Variants in CAP1 observed in about 807,000 individuals in gnomAD.
CAP1 encodes the protein adenylyl cyclase-associated protein 1.
CAP1 carries 11 observed loss-of-function variants against 58.2 expected under a neutral mutation model. That is an observed-to-expected ratio of 0.19 (90% CI 0.12 to 0.31). The LOEUF (loss-of-function observed/expected upper bound fraction) is 0.31, where lower values mean the gene tolerates loss of function less well. Among genes scored for constraint, CAP1 ranks in the 10% least tolerant of loss-of-function variants. The pLI is 1.00. For synonymous variants in CAP1, 183 were observed against 213.8 expected, an observed-to-expected ratio of 0.86 and a Z score of 1.26; for missense variants, 423 against 587.5, an observed-to-expected ratio of 0.72 and a Z score of 2.89.
At chr1:40,042,729 C>G (rs545277705) in intron 1 of CAP1, among the ~76,000 whole-genome samples, 88 of 152,218 alleles carry the variant, frequency 5.8e-4, no homozygotes, top group African/African-American at 2.1e-3. Context: ...AGGGGACCAG[C>G]CCTGTGGGGA....
At chr1:40,069,109 CAGG>C (rs1216527182) in intron 8 of CAP1, among the ~76,000 whole-genome samples, 2 of 152,226 alleles carry the variant, frequency 1.3e-5, no homozygotes, top group African/African-American at 4.8e-5. Flanking sequence ...TGTGGGATTA[CAGG>C]CATGAGCCAC....
At chr1:40,065,677 A>C (rs1647037327) in intron 6 of CAP1, among the ~76,000 whole-genome samples, 1 of 152,224 alleles carries the variant, frequency 6.6e-6, no homozygotes, top group Non-Finnish European at 1.5e-5. Flanking sequence ...CTATTTCTAT[A>C]ATTTAAGGCT....
chr1:40,045,623 T>G (rs1055172337), intron 1 of CAP1, among the ~76,000 whole-genome samples: 2 of 152,146 alleles, frequency 1.3e-5, no homozygotes, highest in African/African-American at 4.8e-5. Flanking sequence ...TGGCGTGATC[T>G]TGGCTCACTG....
chr1:40,051,123 C>G (rs1483335462), intron 1 of CAP1, among the ~76,000 whole-genome samples: 1 of 152,174 alleles, frequency 6.6e-6, no homozygotes, highest in Non-Finnish European at 1.5e-5. Flanking sequence ...TTGATTTCCT[C>G]TGAACTCTCA....
intron 7 of CAP1, among the ~76,000 whole-genome samples, 161 bp downstream of exon 7, chr1:40,066,481 G>C (rs989671849): frequency 6.6e-6 from 1 of 152,202 alleles, no homozygotes; most frequent in Admixed American, 6.5e-5. Flanking sequence ...AGGGTAAAAA[G>C]AGTAGAGGAA....
In CAP1 at chr1:40,069,783, C is replaced by T; in HGVS notation, c.902C>T (p.Ser301Phe). The T allele has an allele frequency of 3.7e-6, 6 of 1,613,054 alleles. No homozygotes were observed. The highest frequency in any genetic ancestry group is 5.1e-6 in the Non-Finnish European group (6 of 1,179,598). The change falls in exon 9 of 13, where the codon TCT becomes TTT. Residue 301 changes from serine to phenylalanine, a missense_variant. Transcript: ENST00000372805. ...GPVRSGPKPF[S>F]APKPQTSPSP... ...GTACGCAGTGGCCCCAAACCATTCT[C>T]TGCACCTAAACCCCAAACCAGCCCA...
intron 4 of CAP1, 44 bp from the exon 5 acceptor site, chr1:40,064,183 G>A (rs201172019): frequency 1.0e-5 from 16 of 1,601,832 alleles, no homozygotes; most frequent in Non-Finnish European, 1.2e-5. Context: ...AGACACCTTT[G>A]TGGAAAGATG....
chr1:40,068,122 T>C (rs1647186902), intron 8 of CAP1, among the ~76,000 whole-genome samples: 1 of 152,140 alleles, frequency 6.6e-6, no homozygotes, highest in Admixed American at 6.5e-5. Context: ...TGGTATAAAG[T>C]AGATACCCTT....
At chr1:40,060,024 C>T (rs1275429081) in intron 2 of CAP1, 43 bp from the exon 3 acceptor site, 1 of 1,523,714 alleles carries the variant, frequency 6.6e-7, no homozygotes, top group Non-Finnish European at 9.1e-7. Context: ...AAGAAGCCTC[C>T]TTCTGATGCA....
intron 7 of CAP1, among the ~76,000 whole-genome samples, chr1:40,066,528 C>A (rs533371081): frequency 1.2e-3 from 190 of 152,290 alleles, no homozygotes; most frequent in African/African-American, 4.4e-3. Context: ...CAGTGGTATT[C>A]AATTTCAATA....
At chr1:40,071,073 T>G in intron 12 of CAP1, 94 bp downstream of exon 12, 6 of 1,232,718 alleles carry the variant, frequency 4.9e-6, no homozygotes, top group Non-Finnish European at 6.8e-6. Flanking sequence ...CATTCTGCAC[T>G]GAGCAGGTAA....
intron 1 of CAP1, among the ~76,000 whole-genome samples, chr1:40,046,494 CAA>C: frequency 6.6e-6 from 1 of 151,836 alleles, no homozygotes; most frequent in East Asian, 1.9e-4. Flanking sequence ...AAAAAACAAA[CAA>C]ACACTAAAGT....
rs148511353 is a variant in CAP1, at chr1:40,064,076, G to C, written c.295-151G>C. 138 of 690,710 alleles carry C rather than the reference G, an allele frequency of 2.0e-4. 1 individual carries two copies. The East Asian group carries it at 3.4e-3, about 17-fold the overall frequency. The allele number at this position is 690,710 out of a possible 1,614,324, so 42.8% of individuals were successfully genotyped here. ...TACGAGGAGAGTGAGATGATGAGCA[G>C]TATTTTAGCCTTAGGAATCAGGACA... On this transcript the variant is annotated intron_variant, in intron 4 of 12. Transcript: ENST00000372805.
chr1:40,050,614 A>G (rs1646319170), intron 1 of CAP1, among the ~76,000 whole-genome samples: 1 of 151,920 alleles, frequency 6.6e-6, no homozygotes, highest in Admixed American at 6.6e-5. Context: ...AGCTGAGATC[A>G]TGCCATCACA....
chr1:40,059,460 TA>T lies in CAP1; in HGVS notation c.112+4del. 1 of 1,558,672 alleles carries T rather than the reference TA, an allele frequency of 6.4e-7. No individual in the cohort carries two copies. Among genetic ancestry groups the T allele is most frequent in the Non-Finnish European group, 8.9e-7 (1 of 1,129,572 alleles). ...GGTATGCAGACAGTCCTTCAAAAGGTAAGCAGTCCACAGCCCAGCAGAATGC... is the reference window on the plus strand; with the variant it reads ...GGTATGCAGACAGTCCTTCAAAAGGTAGCAGTCCACAGCCCAGCAGAATGC... On this transcript the variant is annotated splice_donor_region_variant and intron_variant, in intron 2 of 12. Coordinates refer to ENST00000372805, the MANE Select transcript of CAP1 (RefSeq NM_006367.4).
Position 40,070,144 on chromosome 1 carries a change from A to T in CAP1, c.994-15A>T. Reference sequence around the variant, plus strand: ...TGTGCTTTGTGATGAGAATCCTGGGATCTCTCTCTAACAGGAAAATCAGGA... The same window carrying T: ...TGTGCTTTGTGATGAGAATCCTGGGTTCTCTCTCTAACAGGAAAATCAGGA... On this transcript the variant is annotated splice_polypyrimidine_tract_variant and intron_variant, in intron 9 of 12. Coordinates refer to ENST00000372805, the MANE Select transcript of CAP1 (RefSeq NM_006367.4). 6.2e-7 allele frequency: 1 copy of T among 1,613,758 alleles called. No homozygotes were observed. The highest frequency in any genetic ancestry group is 1.1e-5 in the South Asian group (1 of 91,062).
intron 1 of CAP1, among the ~76,000 whole-genome samples, chr1:40,043,272 A>T: frequency 6.6e-6 from 1 of 152,144 alleles, no homozygotes. Flanking sequence ...ATCTCGGGTC[A>T]CTGAAACCTC....
At chr1:40,055,299 T>G (rs1266463789) in intron 1 of CAP1, among the ~76,000 whole-genome samples, 1 of 151,840 alleles carries the variant, frequency 6.6e-6, no homozygotes, top group African/African-American at 2.4e-5. Context: ...GACTTTACCC[T>G]GAACGCTCTG....
At chr1:40,070,000 C>G in intron 9 of CAP1, 126 bp downstream of exon 9, 3 of 1,393,956 alleles carry the variant, frequency 2.2e-6, no homozygotes, top group Non-Finnish European at 2.9e-6. Context: ...ACCTCCGCCT[C>G]CCGGGGAAAA....
Sources: allele counts gnomAD v4.1 joint callset (sites outside exome capture counted in the v4.1 genomes callset), GRCh38; gene constraint gnomAD v4.1.1; transcripts MANE v1.5; gene names NCBI Gene and HGNC (gene_info 2026-07-23, HGNC 2026-07-21).